The following NRXN1 variants were observed in gnomAD, a reference collection of about 807,000 sequenced individuals.
NRXN1 encodes neurexin-1.
Under a neutral mutation model 150.9 loss-of-function variants are expected in NRXN1, and 39 were observed. The ratio of observed to expected loss-of-function variants is 0.26; its 90% confidence interval spans 0.20 to 0.34. NRXN1 has a LOEUF of 0.34. Among genes scored for constraint, NRXN1 ranks in the 10% least tolerant of loss-of-function variants. The pLI, the probability that NRXN1 is intolerant of heterozygous loss-of-function variation, is 1.00. For missense variants in NRXN1, 1,815 were observed against 1,949.9 expected, an observed-to-expected ratio of 0.93 and a Z score of 1.30; for synonymous variants, 924 against 757.0, an observed-to-expected ratio of 1.22 and a Z score of -3.62.
chr2:50,343,878 G>T (rs2077732914), intron 17 of NRXN1, among the ~76,000 whole-genome samples: 2 of 152,152 alleles, frequency 1.3e-5, no homozygotes, highest in East Asian at 1.9e-4. Flanking sequence ...ACGATTCACA[G>T]AAATTCTAAT....
chr2:50,599,863 T>C (rs1468399406), intron 8 of NRXN1, among the ~76,000 whole-genome samples: 2 of 152,150 alleles, frequency 1.3e-5, no homozygotes, highest in East Asian at 1.9e-4. Context: ...AATAATTGTT[T>C]TGTCAGTTGA....
chr2:50,539,355 T>A (rs1351751115), intron 9 of NRXN1, among the ~76,000 whole-genome samples: 2 of 152,242 alleles, frequency 1.3e-5, no homozygotes, highest in Non-Finnish European at 2.9e-5. Flanking sequence ...TAAACCAAGC[T>A]AGTTATTTAT....
chr2:50,190,381 G>A (rs2061367219), intron 18 of NRXN1, among the ~76,000 whole-genome samples: 1 of 152,056 alleles, frequency 6.6e-6, no homozygotes, highest in South Asian at 2.1e-4. Flanking sequence ...ATTCTTGGGT[G>A]TGTTCTAACT....
intron 21 of NRXN1, among the ~76,000 whole-genome samples, chr2:50,007,765 G>A (rs1344574330): frequency 6.6e-6 from 1 of 152,076 alleles, no homozygotes; most frequent in Non-Finnish European, 1.5e-5. Context: ...GGATTGCTGG[G>A]TCAAATGGTA....
intron 8 of NRXN1, among the ~76,000 whole-genome samples, chr2:50,617,504 A>G (rs953440745): frequency 2.6e-5 from 4 of 152,148 alleles, no homozygotes; most frequent in African/African-American, 9.7e-5. Context: ...ATATCCTTCC[A>G]AACTCCAGTG....
At chr2:50,067,844 G>A (rs915319581) in intron 19 of NRXN1, among the ~76,000 whole-genome samples, 2 of 152,096 alleles carry the variant, frequency 1.3e-5, no homozygotes, top group Non-Finnish European at 1.5e-5. Context: ...AAACCTATCC[G>A]CTCTAATAAA....
rs71404978 is a variant in NRXN1 at position 50,865,658 on chromosome 2, GTTTTTTTTTTTT to G, written c.832+56199_832+56210del. Among the ~76,000 whole-genome samples the G allele has an allele frequency of 1.4e-3, 58 of 41,860 alleles. 1 individual carries two copies. Among genetic ancestry groups the G allele is most frequent in the South Asian group, 5.0e-3 (4 of 804 alleles). 27.5% of individuals were successfully genotyped at this position (41,860 alleles called of 152,430 possible). On this transcript the variant is annotated intron_variant, in intron 5 of 22. Coordinates refer to ENST00000401669, the MANE Select transcript of NRXN1 (RefSeq NM_001330078.2). ...AGTAATTCCCAGTAAGCATTTGAAA[GTTTTTTTTTTTT>G]TTTTTTTTTTTTTTTTGGTGGTGGG...
intron 18 of NRXN1, among the ~76,000 whole-genome samples, chr2:50,158,656 A>T (rs2059173673): frequency 6.6e-6 from 1 of 152,080 alleles, no homozygotes; most frequent in African/African-American, 2.4e-5. Context: ...GTGTTAAGCC[A>T]TTGCTTTGTT....
chr2:50,550,914 C>T (rs1667372395), intron 9 of NRXN1, among the ~76,000 whole-genome samples: 1 of 151,842 alleles, frequency 6.6e-6, no homozygotes, highest in South Asian at 2.1e-4. Context: ...ATCTCCTGAC[C>T]TCGTGATCTG....
chr2:50,269,396 A>C (rs1390432265), intron 17 of NRXN1, among the ~76,000 whole-genome samples: 1 of 152,224 alleles, frequency 6.6e-6, no homozygotes, highest in Non-Finnish European at 1.5e-5. Context: ...GATAGTATGC[A>C]CTGTATTTCC....
chr2:50,101,433 T>C (rs1268588527), intron 18 of NRXN1, among the ~76,000 whole-genome samples: 2 of 152,012 alleles, frequency 1.3e-5, no homozygotes, highest in Admixed American at 6.6e-5. Context: ...ACTTGTTATA[T>C]CCCAGGATCA....
chr2:50,803,114 T>C (rs938366019), intron 5 of NRXN1, among the ~76,000 whole-genome samples: 1 of 152,132 alleles, frequency 6.6e-6, no homozygotes, highest in African/African-American at 2.4e-5. Flanking sequence ...ACAAGGATAA[T>C]AAGAAAAGAA....
Position 51,027,742 on chromosome 2 carries a change from C to T in NRXN1, c.532G>A (p.Glu178Lys), listed in dbSNP as rs1332627151. 6.2e-7 allele frequency: 1 copy of T among 1,611,832 alleles called. No homozygotes were observed. The highest frequency in any genetic ancestry group is 8.5e-7 in the Non-Finnish European group (1 of 1,179,040). ...KLTLASVRER[E>K]PFKGWIRDVR... ...TCACGAATCCACCCCTTGAAGGGCTCCCGCTCCCTCACCGAGGCCAGGGTG... is the reference window on the plus strand; with the variant it reads ...TCACGAATCCACCCCTTGAAGGGCTTCCGCTCCCTCACCGAGGCCAGGGTG... Residue 178 changes from glutamate (E) to lysine (K), a missense_variant, in exon 2 of 23, where the codon GAG (glutamate) becomes AAG (lysine). By Grantham distance (56) the Glu-to-Lys change is moderately conservative (BLOSUM62 1). Around this residue, in one of 6 missense-constraint regions of NRXN1, gnomAD observed 554 missense variants for 478.8 expected, o/e 1.16. Transcript: ENST00000401669.
chr2:50,278,317 T>TA (rs747246111), intron 17 of NRXN1, among the ~76,000 whole-genome samples: 11,302 of 123,982 alleles, frequency 0.091, 743 homozygotes, highest in African/African-American at 0.18. Context: ...TATATATATA[T>TA]TATATATATA....
chr2:50,013,545 A>C (rs1460288101), intron 21 of NRXN1, among the ~76,000 whole-genome samples: 1 of 152,108 alleles, frequency 6.6e-6, no homozygotes, highest in Non-Finnish European at 1.5e-5. Context: ...ATAAGGTAAG[A>C]CATGCCATGG....
chr2:50,367,480 A>G (rs2079669257), intron 17 of NRXN1, among the ~76,000 whole-genome samples: 1 of 151,930 alleles, frequency 6.6e-6, no homozygotes, highest in South Asian at 2.1e-4. Context: ...TATCTAGCAA[A>G]TATTTATTGA....
intron 5 of NRXN1, among the ~76,000 whole-genome samples, chr2:50,799,665 A>G (rs1053694131): frequency 6.6e-6 from 1 of 152,210 alleles, no homozygotes; most frequent in African/African-American, 2.4e-5. Context: ...TTATTATAAA[A>G]TAGGCTTTGT....
At chr2:50,813,175 A>T (rs1668465409) in intron 5 of NRXN1, among the ~76,000 whole-genome samples, 2 of 151,728 alleles carry the variant, frequency 1.3e-5, no homozygotes, top group Non-Finnish European at 2.9e-5. Context: ...AGCCAGGGTG[A>T]CAGCAACACC....
intron 5 of NRXN1, among the ~76,000 whole-genome samples, chr2:50,730,417 G>A (rs1697945003): frequency 6.6e-6 from 1 of 152,010 alleles, no homozygotes; most frequent in South Asian, 2.1e-4. Flanking sequence ...TAACTTTAAT[G>A]AGATTTCTCA....
Sources: allele counts gnomAD v4.1 joint callset (sites outside exome capture counted in the v4.1 genomes callset), GRCh38; gene constraint gnomAD v4.1.1; regional missense constraint gnomAD v4.1.1; transcripts MANE v1.5; gene names NCBI Gene and HGNC (gene_info 2026-07-23, HGNC 2026-07-21).